Variants in HCN4 observed in about 807,000 individuals in gnomAD.
HCN4 encodes hyperpolarization activated cyclic nucleotide gated potassium channel 4.
A neutral mutation model predicts 76.9 loss-of-function variants in HCN4; 29 were observed. The observed-to-expected ratio is 0.38, with a 90% CI of 0.28 to 0.51. The LOEUF is 0.51. Ranked by LOEUF, HCN4 falls within the 20% of genes least tolerant of loss-of-function variation. The pLI is 0.90. For synonymous variants in HCN4, 772 were observed against 762.5 expected, an observed-to-expected ratio of 1.01 and a Z score of -0.21; for missense variants, 1,416 against 1,715.2, an observed-to-expected ratio of 0.83 and a Z score of 3.08.
At chr15:73,346,015 A>C (rs1043803268) in intron 1 of HCN4, among the ~76,000 whole-genome samples, 4 of 152,212 alleles carry the variant, frequency 2.6e-5, no homozygotes, top group African/African-American at 9.7e-5. Context: ...TGTGGTCTTC[A>C]TAAAACCAAA....
In HCN4 at chr15:73,359,674, A is replaced by T. The variant is rs141272152; in HGVS notation, c.785+7812T>A. On this transcript the variant is annotated intron_variant, in intron 1 of 7. Transcript: ENST00000261917. ...TGACCCCAGCCACGGACTGAACCCC[A>T]ATCCTGGTTACACACTGAGCCCCGA... Among the ~76,000 whole-genome samples, 7 of 152,210 alleles carry T rather than the reference A, an allele frequency of 4.6e-5. No individual in the cohort carries two copies. In the East Asian group the frequency reaches 1.2e-3, roughly 25 times the overall value.
rs757662055 is a variant in HCN4 at position 73,367,961 on chromosome 15, C to T, written c.310G>A (p.Gly104Ser). 3 of 1,346,790 alleles carry T rather than the reference C, an allele frequency of 2.2e-6. No homozygotes were observed. Among genetic ancestry groups the T allele is most frequent in the South Asian group, 2.0e-5 (1 of 49,566 alleles). 83.4% of individuals were successfully genotyped at this position (1,346,790 alleles called of 1,614,324 possible). A position where few individuals can be genotyped will look rare whatever the true frequency, so the allele number is the denominator to read the frequency against. The change falls in exon 1 of 8, where the codon GGC becomes AGC. Residue 104 changes from glycine to serine, a missense_variant. Around this residue, in one of 6 missense-constraint regions of HCN4, gnomAD observed 355 missense variants for 347.8 expected, o/e 1.02. Transcript: ENST00000261917. This position sits in a 1 kb window ranked among gnomAD's most constrained non-coding sequence, Gnocchi z 7.5. ...CCGCCGCTGCCGCCGCCCCGGCTGC[C>T]CAGCGAGGCCAGGCTCCCGCGGAAG... ...RRFRGSLASL[G>S]SRGGGSGGTG...
At chr15:73,356,195 T>C (rs2043078881) in intron 1 of HCN4, among the ~76,000 whole-genome samples, 1 of 150,332 alleles carries the variant, frequency 6.7e-6, no homozygotes, top group East Asian at 1.9e-4. Context: ...TTTGCTTTTT[T>C]TTTTTTTTTG....
intron 4 of HCN4, among the ~76,000 whole-genome samples, chr15:73,327,913 G>T (rs1053756124): frequency 1.1e-4 from 16 of 152,192 alleles, no homozygotes; most frequent in African/African-American, 3.9e-4. Flanking sequence ...GCCCCCACCT[G>T]TCAGTCACCC....
chr15:73,354,700 A>T (rs1170253959), intron 1 of HCN4, among the ~76,000 whole-genome samples: 3 of 152,202 alleles, frequency 2.0e-5, no homozygotes, highest in Admixed American at 6.5e-5. Flanking sequence ...AGGAAGACCA[A>T]ATGAGATAAT....
In HCN4 at chr15:73,343,309, T is replaced by C; in HGVS notation, c.1209+76A>G. ...ATCTGACAGCCTATGTTCAATTATCTGAGGTTCCCTGCCAGTTCCTCACTC... is the reference window on the plus strand; with the variant it reads ...ATCTGACAGCCTATGTTCAATTATCCGAGGTTCCCTGCCAGTTCCTCACTC... On this transcript the variant is annotated intron_variant, in intron 2 of 7. Coordinates refer to ENST00000261917, the MANE Select transcript of HCN4 (RefSeq NM_005477.3). The surrounding 1 kb of genome is among the most constrained non-coding windows in gnomAD (Gnocchi z 5.7). 7 of 1,426,552 alleles carry C rather than the reference T, an allele frequency of 4.9e-6. No individual in the cohort carries two copies. In the South Asian group the frequency reaches 7.2e-5, roughly 15 times the overall value. 88.4% of individuals were successfully genotyped at this position (1,426,552 alleles called of 1,614,324 possible).
At chr15:73,331,822 G>C (rs1244690590) in intron 3 of HCN4, among the ~76,000 whole-genome samples, 1 of 152,152 alleles carries the variant, frequency 6.6e-6, no homozygotes, top group Non-Finnish European at 1.5e-5. Context: ...GCATTGCCAT[G>C]CCTGGGGGAG....
chr15:73,323,644 G>T lies in HCN4; in HGVS notation c.2449C>A (p.Leu817Ile). The change falls in exon 8 of 8, where the codon CTC becomes ATC. Residue 817 changes from leucine to isoleucine, a missense_variant. Around this residue, in one of 6 missense-constraint regions of HCN4, gnomAD observed 633 missense variants for 579.8 expected, o/e 1.09. Transcript: ENST00000261917. The stretch of plus-strand genomic sequence containing the variant: ...TGCCTTGGCGTCTGCCCGGCACCGA[G>T]GTTGCCCAGCCCAGATCCTGGGGGA... ...RPPPGSGLGN[L>I]GAGQTPRHLK... 1 of 1,597,368 alleles carries T rather than the reference G, an allele frequency of 6.3e-7. No homozygotes were observed.
chr15:73,333,135 G>C (rs912276846), intron 2 of HCN4, among the ~76,000 whole-genome samples: 2 of 151,980 alleles, frequency 1.3e-5, no homozygotes, highest in African/African-American at 4.8e-5. Flanking sequence ...AGCTCGGAGT[G>C]GGGGGCTGCA....
rs1172106722 is a variant in HCN4 at position 73,368,195 on chromosome 15, T to A, written c.76A>T (p.Met26Leu). Residue 26 changes from methionine to leucine, a missense_variant, in exon 1 of 8, where the codon ATG (methionine) becomes TTG (leucine). Around this residue, in one of 6 missense-constraint regions of HCN4, gnomAD observed 355 missense variants for 347.8 expected, o/e 1.02. Coordinates refer to ENST00000261917, the MANE Select transcript of HCN4 (RefSeq NM_005477.3). This position sits in a 1 kb window ranked among gnomAD's most constrained non-coding sequence, Gnocchi z 6.9. The stretch of plus-strand genomic sequence containing the variant: ...TCCTCGGCGTCCTCTTCCTCGTCCA[T>A]GATCCACGCCTTGGCCCCCACCTGC... Reference protein sequence around the residue: ...PQQVGAKAWIMDEEEDAEEEG... With the variant: ...PQQVGAKAWILDEEEDAEEEG... The A allele has an allele frequency of 2.6e-6, 4 of 1,534,076 alleles. No homozygotes were observed. Among genetic ancestry groups the A allele is most frequent in the Non-Finnish European group, 3.5e-6 (4 of 1,141,820 alleles).
In HCN4 at chr15:73,343,566, A is replaced by G; in HGVS notation, c.1028T>C (p.Met343Thr). Residue 343 changes from methionine (M) to threonine (T), a missense_variant, in exon 2 of 8, where the codon ATG becomes ACG. Around this residue, in one of 6 missense-constraint regions of HCN4, gnomAD observed 23 missense variants for 19.1 expected, o/e 1.21. Transcript: ENST00000261917. This position sits in a 1 kb window ranked among gnomAD's most constrained non-coding sequence, Gnocchi z 5.7. The part of the protein sequence containing the change: ...IKMKYLKSWF[M>T]VDFISSIPVD... ...GGGGATGGAGGAAATGAAATCTACC[A>G]TGAACCAGCTTTTCAGGTACTTCAT... 2 of 1,614,198 alleles carry G rather than the reference A, an allele frequency of 1.2e-6. No homozygotes were observed. The highest frequency in any genetic ancestry group is 1.1e-5 in the South Asian group (1 of 91,080).
At chr15:73,332,751 C>T (rs934313310) in intron 2 of HCN4, among the ~76,000 whole-genome samples, 2 of 152,210 alleles carry the variant, frequency 1.3e-5, no homozygotes, top group African/African-American at 2.4e-5. Context: ...TCAAGACTCA[C>T]ACACGGTAGC....
At chr15:73,363,939 T>A (rs967778851) in intron 1 of HCN4, among the ~76,000 whole-genome samples, 1 of 150,484 alleles carries the variant, frequency 6.6e-6, no homozygotes. Context: ...GTTGGGGAGG[T>A]GATGGGAGGT....
In HCN4 at chr15:73,322,946, G is replaced by A. The variant is rs757396406; in HGVS notation, c.3147C>T (p.His1049=). 38 of 1,421,838 alleles carry A rather than the reference G, an allele frequency of 2.7e-5. No individual in the cohort carries two copies. Among genetic ancestry groups the A allele is most frequent in the Middle Eastern group, 2.0e-4 (1 of 4,904 alleles). The allele number at this position is 1,421,838 out of a possible 1,614,324, so 88.1% of individuals were successfully genotyped here. Residue 1049 remains histidine, a synonymous_variant, in exon 8 of 8, where the codon CAC becomes CAT. Coordinates refer to ENST00000261917, the MANE Select transcript of HCN4 (RefSeq NM_005477.3). The stretch of plus-strand genomic sequence containing the variant: ...ATGCAGGTGGCAGGAGCAAGGATCC[G>A]TGGGAGCCAGAGGCCCGGGGCGGGG... ...PSAPPRASGS[H]GSLLLPPASS... is the part of the protein sequence containing the mutation.
At chr15:73,339,926 C>T (rs920605321) in intron 2 of HCN4, among the ~76,000 whole-genome samples, 2 of 152,152 alleles carry the variant, frequency 1.3e-5, no homozygotes, top group African/African-American at 4.8e-5. Context: ...GAAACTAGCT[C>T]AAAGCAATTT....
rs2043140699 is a variant in HCN4, at chr15:73,368,362, G to A, written c.-92C>T. On this transcript the variant is annotated 5_prime_UTR_variant, in exon 1 of 8. Coordinates refer to ENST00000261917, the MANE Select transcript of HCN4 (RefSeq NM_005477.3). This position sits in a 1 kb window ranked among gnomAD's most constrained non-coding sequence, Gnocchi z 6.9. ...CCGCCCGCCGGTCAGTCCGCCCGTGGGGACGCGTCCTTTGCCGCCGGCGTG... is the reference window on the plus strand; with the variant it reads ...CCGCCCGCCGGTCAGTCCGCCCGTGAGGACGCGTCCTTTGCCGCCGGCGTG... 2 of 931,598 alleles carry A rather than the reference G, an allele frequency of 2.1e-6. No homozygotes were observed. Among genetic ancestry groups the A allele is most frequent in the Non-Finnish European group, 2.9e-6 (2 of 695,100 alleles). 57.7% of individuals were successfully genotyped at this position (931,598 alleles called of 1,614,324 possible).
rs376051646 is a variant in HCN4 at position 73,327,264 on chromosome 15, C to T, written c.1591-1820G>A. 1.8e-3 allele frequency among the ~76,000 whole-genome samples: 281 copies of T among 152,004 alleles called. 1 individual carries two copies. The highest frequency in any genetic ancestry group is 0.017 in the Middle Eastern group (5 of 294). ...CTGGGACTACAGGTGTGCACCACCA[C>T]GCCCAGCTAATTTTTTTTTTACTTT... On this transcript the variant is annotated intron_variant, in intron 4 of 7. Coordinates refer to ENST00000261917, the MANE Select transcript of HCN4 (RefSeq NM_005477.3).
At chr15:73,324,386 G>T in intron 6 of HCN4, 133 bp from the exon 7 acceptor site, 1 of 949,908 alleles carries the variant, frequency 1.1e-6, no homozygotes. Flanking sequence ...CCCCCAGACT[G>T]CGGCCACACT....
intron 4 of HCN4, 84 bp downstream of exon 4, chr15:73,329,489 G>T: frequency 2.2e-6 from 3 of 1,335,536 alleles, no homozygotes; most frequent in Non-Finnish European, 3.2e-6. Flanking sequence ...GCAGGGGGCG[G>T]TTCCTGCTGG....
Sources: allele counts gnomAD v4.1 joint callset (sites outside exome capture counted in the v4.1 genomes callset), GRCh38; gene constraint gnomAD v4.1.1; regional missense constraint gnomAD v4.1.1; non-coding constraint Gnocchi (gnomAD v3.1); transcripts MANE v1.5; gene names NCBI Gene and HGNC (gene_info 2026-07-23, HGNC 2026-07-21).